Variants in ERCC6L2 observed in about 807,000 individuals in gnomAD.
The protein encoded by ERCC6L2 is DNA excision repair protein ERCC-6-like 2.
In ERCC6L2, 77 loss-of-function variants were observed where a neutral mutation model predicts 132.0. The ratio of observed to expected loss-of-function variants is 0.58; its 90% CI spans 0.49 to 0.71. The LOEUF is 0.71. ERCC6L2 is among the 30% of genes least tolerant of loss of function. ERCC6L2 has a pLI of 0.00. For synonymous variants in ERCC6L2, 583 were observed against 632.4 expected, an observed-to-expected ratio of 0.92 and a Z score of 1.17; for missense variants, 1,542 against 1,837.6, an observed-to-expected ratio of 0.84 and a Z score of 2.94.
intron 17 of ERCC6L2, among the ~76,000 whole-genome samples, chr9:95,985,573 A>T (rs1833064846): frequency 6.6e-6 from 1 of 152,222 alleles, no homozygotes; most frequent in South Asian, 2.1e-4. Context: ...GAACATGAAG[A>T]ATGATGTCAG....
intron 19 of ERCC6L2, among the ~76,000 whole-genome samples, chr9:96,035,732 C>G (rs894272824): frequency 6.6e-6 from 1 of 152,206 alleles, no homozygotes; most frequent in African/African-American, 2.4e-5. Context: ...CATTGTACCT[C>G]AGTTACCTCT....
intron 1 of ERCC6L2, chr9:95,877,106 G>C (rs940101301): frequency 6.6e-6 from 1 of 152,212 alleles, no homozygotes; most frequent in Non-Finnish European, 1.5e-5. Flanking sequence ...ACCAGAATGA[G>C]TTGAGTTGGT....
intron 17 of ERCC6L2, among the ~76,000 whole-genome samples, chr9:95,987,841 G>T (rs1272714210): frequency 6.6e-6 from 1 of 152,226 alleles, no homozygotes; most frequent in Non-Finnish European, 1.5e-5. Flanking sequence ...CCCCACCCCT[G>T]CAGCAAACGT....
rs892757457 is a variant in ERCC6L2 at position 96,023,868 on chromosome 9, C to T, written c.*1504-15008C>T. 2.6e-5 allele frequency among the ~76,000 whole-genome samples: 4 copies of T among 152,140 alleles called. No individual in the cohort carries two copies. The South Asian group carries it at 6.2e-4, about 24-fold the overall frequency. ...GATAGGAATTGCTGGGTTCTGGAAC[C>T]GAGGATTGCAGTAACCAGGGGCTCA... On this transcript the variant is annotated intron_variant and NMD_transcript_variant, in intron 19 of 20. Transcript: ENST00000670016.
chr9:95,991,135 G>C lies in ERCC6L2; in HGVS notation c.3492+12920G>C, dbSNP rs1833285095. On this transcript the variant is annotated intron_variant, in intron 17 of 18. Transcript: ENST00000653738. ...AGTCTTTTATGGGCCCAGGATGGGG[G>C]TAAGGGGCAAGCCAGAAAGGCAACG... Among the ~76,000 whole-genome samples, 5 of 152,000 alleles carry C rather than the reference G, an allele frequency of 3.3e-5. No individual in the cohort carries two copies. The South Asian group carries it at 1.0e-3, about 32-fold the overall frequency.
At chr9:95,977,235 G>T (rs999288396) in intron 16 of ERCC6L2, among the ~76,000 whole-genome samples, 1 of 152,158 alleles carries the variant, frequency 6.6e-6, no homozygotes, top group African/African-American at 2.4e-5. Context: ...CTGGTATTCT[G>T]AAATGAAGGA....
chr9:96,027,436 C>G (rs922780933), intron 19 of ERCC6L2, among the ~76,000 whole-genome samples: 1 of 152,206 alleles, frequency 6.6e-6, no homozygotes, highest in Admixed American at 6.5e-5. Flanking sequence ...AGGAAAGACC[C>G]TGGCCGGGGC....
chr9:95,997,872 A>G (rs956025576), intron 17 of ERCC6L2, among the ~76,000 whole-genome samples: 3 of 152,228 alleles, frequency 2.0e-5, no homozygotes, highest in African/African-American at 7.2e-5. Context: ...TTGTTTTATA[A>G]TAAGTTATAA....
At chr9:95,936,651 T>C (rs1830565833) in intron 11 of ERCC6L2, among the ~76,000 whole-genome samples, 1 of 152,186 alleles carries the variant, frequency 6.6e-6, no homozygotes, top group South Asian at 2.1e-4. Context: ...TCCCCCAATG[T>C]AATATCTTGT....
chr9:96,000,615 T>C (rs1276345063), intron 17 of ERCC6L2, among the ~76,000 whole-genome samples: 8 of 152,132 alleles, frequency 5.3e-5, no homozygotes, highest in Admixed American at 5.2e-4. Context: ...ATTGAATGTA[T>C]CACCGCTTCA....
chr9:95,970,751 T>TAAA, intron 15 of ERCC6L2, 95 bp downstream of exon 15: 6 of 715,636 alleles, frequency 8.4e-6, no homozygotes, highest in East Asian at 1.9e-4. Context: ...TTATAACCTG[T>TAAA]AAAAAAAAAA....
At chr9:95,984,093 G>A (rs567497061) in intron 17 of ERCC6L2, among the ~76,000 whole-genome samples, 11 of 150,712 alleles carry the variant, frequency 7.3e-5, no homozygotes, top group East Asian at 1.9e-4. Flanking sequence ...ATATACATAC[G>A]TATATATAAA....
chr9:96,035,051 A>C (rs1260781914), intron 19 of ERCC6L2, among the ~76,000 whole-genome samples: 1 of 152,072 alleles, frequency 6.6e-6, no homozygotes, highest in Non-Finnish European at 1.5e-5. Context: ...AGGACTCCCC[A>C]TCTCCTCTAC....
chr9:95,917,199 A>G (rs867746078), intron 6 of ERCC6L2, among the ~76,000 whole-genome samples: 11 of 152,366 alleles, frequency 7.2e-5, no homozygotes, highest in African/African-American at 1.9e-4. Flanking sequence ...ATTTGCAGTT[A>G]CACAACTAAC....
At chr9:95,941,585 TA>T (rs1219487287) in intron 12 of ERCC6L2, 36 bp downstream of exon 12, 1 of 1,419,874 alleles carries the variant, frequency 7.0e-7, no homozygotes. Flanking sequence ...GATCTGCAAA[TA>T]CTTTTAATCT....
chr9:95,916,237 G>T lies in ERCC6L2; in HGVS notation c.961G>T (p.Gly321Cys). Reference sequence around the variant, plus strand: ...ATTGTCTTTATAAAGGGCTGTGCCAGGCCTTTTAGGGAGTGGGACCTACTT... The same window carrying T: ...ATTGTCTTTATAAAGGGCTGTGCCATGCCTTTTAGGGAGTGGGACCTACTT... The part of the protein sequence containing the change: ...LWCVMDWAVP[G>C]LLGSGTYFKK... The change falls in exon 6 of 19, where the codon GGC becomes TGC. Residue 321 changes from glycine (G) to cysteine (C), a missense_variant. This residue lies in a region of ERCC6L2 where 945 missense variants were observed against 1,105.2 expected (regional missense o/e 0.86). Transcript: ENST00000653738. 1 of 1,614,094 alleles carries T rather than the reference G, an allele frequency of 6.2e-7. No homozygotes were observed. The highest frequency in any genetic ancestry group is 8.5e-7 in the Non-Finnish European group (1 of 1,179,980).
At chr9:95,901,075 GA>G (rs33928648) in intron 3 of ERCC6L2, among the ~76,000 whole-genome samples, 6,293 of 128,904 alleles carry the variant, frequency 0.049, 424 homozygotes, top group African/African-American at 0.16. Context: ...CTCTGTCTCA[GA>G]AAAAAAAAAA....
At chr9:95,921,086 T>C in intron 6 of ERCC6L2, 89 bp from the exon 7 acceptor site, 1 of 1,313,892 alleles carries the variant, frequency 7.6e-7, no homozygotes, top group Non-Finnish European at 1.0e-6. Flanking sequence ...GTTTTCACTG[T>C]TATAATCTAT....
In ERCC6L2 at chr9:95,923,391, T is replaced by C. The variant is rs1399378217; in HGVS notation, c.1533+12T>C. The C allele has an allele frequency of 6.2e-7, 1 of 1,612,622 alleles. No homozygotes were observed. The highest frequency in any genetic ancestry group is 8.5e-7 in the Non-Finnish European group (1 of 1,179,166). On this transcript the variant is annotated intron_variant, in intron 9 of 18. Coordinates refer to ENST00000653738, the MANE Select transcript of ERCC6L2 (RefSeq NM_020207.7). ...GTGGAAAAATGAAGGTAAGTGCTCC[T>C]CTTTCAGGTTGCATACAGACATGAT...
Sources: allele counts gnomAD v4.1 joint callset (sites outside exome capture counted in the v4.1 genomes callset), GRCh38; gene constraint gnomAD v4.1.1; regional missense constraint gnomAD v4.1.1; transcripts MANE v1.5; gene names NCBI Gene and HGNC (gene_info 2026-07-23, HGNC 2026-07-21).